DOCK11: variants seen among roughly 807,000 people sequenced by gnomAD.
DOCK11 encodes dedicator of cytokinesis protein 11.
DOCK11 carries 70 observed loss-of-function variants against 169.1 expected under a neutral mutation model. The ratio of observed to expected loss-of-function variants is 0.41; its 90% confidence interval spans 0.34 to 0.51. The LOEUF is 0.51. Ranked by LOEUF, DOCK11 falls within the 20% of genes least tolerant of loss-of-function variation. The pLI is 0.10. For missense variants in DOCK11, 1,166 were observed against 1,538.8 expected (o/e 0.76, Z 4.05); for synonymous variants, 529 against 541.3 (o/e 0.98, Z 0.32).
intron 10 of DOCK11, among the ~76,000 whole-genome samples, chrX:118,568,593 A>G (rs2147385186): frequency 9.3e-6 from 1 of 107,312 alleles, no homozygotes. Context: ...TGAGACATTT[A>G]TTTTTCACAT....
At position 118,544,644 on chromosome X, in the gene DOCK11, G is replaced by GTTTTT. The variant is rs1439441148; in HGVS notation, c.393-679_393-678insTTTTT. 9.4e-4 allele frequency among the ~76,000 whole-genome samples: 43 copies of GTTTTT among 45,740 alleles called. 1 individual carries two copies. In the East Asian group the frequency reaches 0.012, roughly 13 times the overall value. 39.7% of individuals were successfully genotyped at this position (45,740 alleles called of 115,157 possible). A position where few individuals can be genotyped will look rare whatever the true frequency, so the allele number is the denominator to read the frequency against. On this transcript the variant is annotated intron_variant, in intron 4 of 52. Transcript: ENST00000276202. ...ATGCAAGAGCCAGAATTACACTGTT[G>GTTTTT]CTTTTTTTTTTTTTTTTTTTTTTTT...
intron 31 of DOCK11, among the ~76,000 whole-genome samples, chrX:118,620,021 T>C (rs2014931372): frequency 1.8e-5 from 2 of 110,519 alleles, no homozygotes; most frequent in African/African-American, 6.6e-5. Context: ...TTTCACTATA[T>C]TGGCCAGGAT....
rs1471299399 is a variant in DOCK11, at chrX:118,605,249, C to T, written c.2574C>T (p.Ala858=). 2.6e-6 allele frequency: 3 copies of T among 1,168,069 alleles called. No individual in the cohort carries two copies. Among genetic ancestry groups the T allele is most frequent in the Admixed American group, 2.6e-5 (1 of 38,821 alleles). ...ELIKYLKCLH[A]MEIQVMIQFL... ...TGACTTAATTTTAGTGTTTGCATGC[C>T]ATGGAGATCCAAGTCATGATACAGT... Residue 858 remains alanine (A), a synonymous_variant, in exon 24 of 53, where the codon GCC becomes GCT. Coordinates refer to ENST00000276202, the MANE Select transcript of DOCK11 (RefSeq NM_144658.4).
chrX:118,564,246 G>A (rs1407785126), intron 7 of DOCK11, among the ~76,000 whole-genome samples: 1 of 112,314 alleles, frequency 8.9e-6, no homozygotes, highest in Non-Finnish European at 1.9e-5. Context: ...TTATGATACC[G>A]CCTCCCAAAT....
intron 32 of DOCK11, among the ~76,000 whole-genome samples, chrX:118,626,843 G>A (rs1289740925): frequency 8.9e-6 from 1 of 112,410 alleles, no homozygotes; most frequent in Non-Finnish European, 1.9e-5. Flanking sequence ...TCACTTCTCT[G>A]TATTCTTTGC....
chrX:118,610,958 G>A (rs1353812023), intron 28 of DOCK11, among the ~76,000 whole-genome samples: 1 of 111,420 alleles, frequency 9.0e-6, no homozygotes, highest in Non-Finnish European at 1.9e-5. Context: ...AGAATCCCTT[G>A]AACCTGGGAG....
intron 31 of DOCK11, among the ~76,000 whole-genome samples, chrX:118,620,914 C>T (rs2014955717): frequency 8.9e-6 from 1 of 112,714 alleles, no homozygotes; most frequent in African/African-American, 3.2e-5. Flanking sequence ...ACTGCCTTTT[C>T]ACATGAAAGA....
At chrX:118,529,888 A>T (rs1440011046) in intron 1 of DOCK11, among the ~76,000 whole-genome samples, 2 of 111,451 alleles carry the variant, frequency 1.8e-5, no homozygotes, top group African/African-American at 6.5e-5. Context: ...ACCCACCCTG[A>T]TTGGAGGACA....
chrX:118,510,595 G>C (rs1269450030), intron 1 of DOCK11, among the ~76,000 whole-genome samples: 3 of 111,092 alleles, frequency 2.7e-5, no homozygotes, highest in Admixed American at 1.9e-4. Flanking sequence ...GGTGTGTGTG[G>C]GTGTGTGGAT....
At chrX:118,547,734 T>G (rs1257489956) in intron 6 of DOCK11, among the ~76,000 whole-genome samples, 1 of 112,748 alleles carries the variant, frequency 8.9e-6, no homozygotes, top group Non-Finnish European at 1.9e-5. Flanking sequence ...CTATCAGTGC[T>G]CACTAGCTGA....
At chrX:118,569,624 G>A (rs1010747257) in intron 10 of DOCK11, 15 of 111,350 alleles carry the variant, frequency 1.3e-4, no homozygotes, top group African/African-American at 4.9e-4. Context: ...CTTAATGAAA[G>A]TATCACACAA....
intron 40 of DOCK11, among the ~76,000 whole-genome samples, chrX:118,646,272 C>T (rs2015668438): frequency 9.0e-6 from 1 of 110,786 alleles, no homozygotes; most frequent in African/African-American, 3.3e-5. Flanking sequence ...GGAGCATCAA[C>T]ATACAAGTGG....
At chrX:118,637,751 AGGTCCT>A (rs1473532010) in intron 36 of DOCK11, among the ~76,000 whole-genome samples, 1 of 111,583 alleles carries the variant, frequency 9.0e-6, no homozygotes, top group African/African-American at 3.3e-5. Context: ...TGACAGAGCG[AGGTCCT>A]GTGTCAAAAA....
chrX:118,553,494 G>A (rs896336652), intron 6 of DOCK11, among the ~76,000 whole-genome samples: 5 of 111,672 alleles, frequency 4.5e-5, no homozygotes, highest in Non-Finnish European at 5.6e-5. Flanking sequence ...ACGCTGAAGT[G>A]CCTTGATATG....
intron 19 of DOCK11, among the ~76,000 whole-genome samples, chrX:118,591,664 GA>G (rs1470985930): frequency 9.8e-6 from 1 of 102,185 alleles, no homozygotes; most frequent in Non-Finnish European, 2.0e-5. Context: ...TAAGTTTTAG[GA>G]TACATGTGCA....
chrX:118,511,008 A>T (rs2057647912), intron 1 of DOCK11, among the ~76,000 whole-genome samples: 1 of 112,177 alleles, frequency 8.9e-6, no homozygotes, highest in South Asian at 3.7e-4. Flanking sequence ...AGCCCTCCTC[A>T]CACTGGCCAG....
intron 44 of DOCK11, among the ~76,000 whole-genome samples, chrX:118,656,866 A>C (rs2016085098): frequency 9.0e-6 from 1 of 111,291 alleles, no homozygotes; most frequent in Non-Finnish European, 1.9e-5. Context: ...CAGGAGGCGG[A>C]GGTTGCAGTG....
At chrX:118,585,408 G>C (rs1252560633) in intron 16 of DOCK11, among the ~76,000 whole-genome samples, 1 of 106,576 alleles carries the variant, frequency 9.4e-6, no homozygotes, top group African/African-American at 3.4e-5. Flanking sequence ...GCTAACCTTG[G>C]CATCAGTTGG....
chrX:118,647,916 ATT>A (rs1266453144), intron 40 of DOCK11, among the ~76,000 whole-genome samples: 3 of 44,560 alleles, frequency 6.7e-5, no homozygotes, highest in African/African-American at 2.8e-4. Flanking sequence ...ATATTATAAT[ATT>A]ATATATAATA....
Sources: allele counts gnomAD v4.1 joint callset (sites outside exome capture counted in the v4.1 genomes callset), GRCh38; gene constraint gnomAD v4.1.1; transcripts MANE v1.5; gene names NCBI Gene and HGNC (gene_info 2026-07-23, HGNC 2026-07-21).